The following MORN3 variants were observed in gnomAD, a reference collection of about 807,000 sequenced individuals.
MORN3 encodes the protein MORN repeat containing 3.
Under a neutral mutation model 34.7 loss-of-function variants are expected in MORN3, and 38 were observed. The ratio of observed to expected loss-of-function variants is 1.10; its 90% CI spans 0.85 to 1.44. The LOEUF is 1.44. Among genes scored for constraint, MORN3 ranks in the 40% most tolerant of loss-of-function variants. The pLI, the probability that MORN3 is intolerant of heterozygous loss-of-function variation, is 0.00. For synonymous variants in MORN3, 109 were observed against 115.3 expected (o/e 0.95, Z 0.35); for missense variants, 311 against 321.7 (o/e 0.97, Z 0.25).
intron 1 of MORN3, among the ~76,000 whole-genome samples, chr12:121,660,494 G>A (rs574907132): frequency 2.7e-5 from 4 of 150,308 alleles, no homozygotes; most frequent in East Asian, 4.0e-4. Flanking sequence ...AGAATTACAG[G>A]TGCCCGCCAC....
At chr12:121,658,108 A>C (rs557833459) in intron 2 of MORN3, among the ~76,000 whole-genome samples, 20 of 152,134 alleles carry the variant, frequency 1.3e-4, no homozygotes, top group African/African-American at 4.8e-4. Flanking sequence ...ATGTTCGGGG[A>C]GACTGATTTG....
chr12:121,660,756 C>T, intron 1 of MORN3, among the ~76,000 whole-genome samples: 1 of 151,212 alleles, frequency 6.6e-6, no homozygotes, highest in South Asian at 2.1e-4. Context: ...GCAACTTCCA[C>T]CTCTCAGGTA....
upstream of MORN3, chr12:121,672,521 T>TG (rs1450857871): frequency 6.6e-6 from 1 of 152,116 alleles, no homozygotes; most frequent in Non-Finnish European, 1.5e-5. Context: ...CCAGACGGCT[T>TG]GGGGTCAGTC....
At chr12:121,663,946 C>A (rs1893664915) in intron 1 of MORN3, among the ~76,000 whole-genome samples, 1 of 152,044 alleles carries the variant, frequency 6.6e-6, no homozygotes, top group African/African-American at 2.4e-5. Context: ...CACTCTAAAC[C>A]CCCAAGGTTT....
chr12:121,659,046 C>T (rs956026779), intron 2 of MORN3, 145 bp downstream of exon 2: 1 of 1,095,846 alleles, frequency 9.1e-7, no homozygotes, highest in African/African-American at 1.6e-5. Context: ...CTTCCTTCTC[C>T]CACGAGCAGC....
At chr12:121,669,187 G>A (rs1893868444) in intron 1 of MORN3, 152 bp downstream of exon 1, 2 of 929,192 alleles carry the variant, frequency 2.2e-6, no homozygotes, top group African/African-American at 1.7e-5. Flanking sequence ...AGCATGTGAA[G>A]GCCCCCAGCT....
chr12:121,655,827 G>A (rs12322922), intron 2 of MORN3, among the ~76,000 whole-genome samples: 19,762 of 151,836 alleles, frequency 0.13, 1,537 homozygotes, highest in South Asian at 0.29. Flanking sequence ...TCAGGAGATC[G>A]AGACCATCCT....
At chr12:121,653,761 C>T (rs1555325373) in intron 3 of MORN3, among the ~76,000 whole-genome samples, 1 of 152,160 alleles carries the variant, frequency 6.6e-6, no homozygotes, top group African/African-American at 2.4e-5. Context: ...CCGCCTCTGC[C>T]TCCCAAAGTG....
Position 121,654,254 on chromosome 12 carries a change from G to A in MORN3, c.463+20C>T, listed in dbSNP as rs782293420. On this transcript the variant is annotated intron_variant, in intron 3 of 5. Coordinates refer to ENST00000355329, the MANE Select transcript of MORN3 (RefSeq NM_173855.5). ...GGGGCGTGGTCGGGTGGGCGGGGCC[G>A]GCGGGGGTGGGGCACTCACTCAGGC... The A allele has an allele frequency of 7.2e-6, 11 of 1,522,838 alleles. No homozygotes were observed. In the East Asian group the frequency reaches 2.2e-4, roughly 30 times the overall value. 94.3% of individuals were successfully genotyped at this position (1,522,838 alleles called of 1,614,324 possible).
chr12:121,659,460 A>T, intron 1 of MORN3, 112 bp from the exon 2 acceptor site: 1 of 1,046,534 alleles, frequency 9.6e-7, no homozygotes, highest in South Asian at 1.4e-5. Context: ...GAGCTGGGAC[A>T]GGCTCTGCGC....
chr12:121,669,813 C>CATATATATATATATAATATAT (rs1555327000), upstream of MORN3, among the ~76,000 whole-genome samples: 20 of 136,022 alleles, frequency 1.5e-4, no homozygotes, highest in African/African-American at 5.6e-4. Flanking sequence ...GTCATATATA[C>CATATATATATATATAATATAT]ATATATATAT....
chr12:121,657,844 C>T (rs1555325844), intron 2 of MORN3, among the ~76,000 whole-genome samples: 2 of 151,772 alleles, frequency 1.3e-5, no homozygotes, highest in African/African-American at 4.8e-5. Flanking sequence ...TCCAGCGTGG[C>T]GACAAGAGCG....
chr12:121,671,405 CAA>C (rs58115284), upstream of MORN3, among the ~76,000 whole-genome samples: 3 of 126,178 alleles, frequency 2.4e-5, no homozygotes, highest in Admixed American at 8.3e-5. Context: ...GACTCCATCT[CAA>C]AAAAAAAAAA....
In MORN3 at chr12:121,654,951, C is replaced by T. The variant is rs905988854; in HGVS notation, c.304-518G>A. On this transcript the variant is annotated intron_variant, in intron 2 of 5. Coordinates refer to ENST00000355329, the MANE Select transcript of MORN3 (RefSeq NM_173855.5). ...CTGTTTCTCTCTGTCCCTCTGCTGG[C>T]GCCTCCATGCAGCCAGTCATTAAAC... Among the ~76,000 whole-genome samples the T allele has an allele frequency of 1.9e-4, 29 of 152,194 alleles. No individual in the cohort carries two copies. The South Asian group carries it at 2.5e-3, about 13-fold the overall frequency.
At chr12:121,665,334 A>G (rs1344074359) in intron 1 of MORN3, among the ~76,000 whole-genome samples, 1 of 105,986 alleles carries the variant, frequency 9.4e-6, no homozygotes, top group African/African-American at 3.8e-5. Flanking sequence ...TCTGTCGCCC[A>G]GGCTGGAGTG....
rs1566476742 is a variant in MORN3 at position 121,651,191 on chromosome 12, C to G, written c.*460G>C. 1 of 152,018 alleles carries G rather than the reference C, an allele frequency of 6.6e-6. No homozygotes were observed. Among genetic ancestry groups the G allele is most frequent in the African/African-American group, 2.4e-5 (1 of 41,360 alleles). The allele number at this position is 152,018 out of a possible 1,614,324, so 9.4% of individuals were successfully genotyped here. On this transcript the variant is annotated 3_prime_UTR_variant, in exon 6 of 6. Coordinates refer to ENST00000355329, the MANE Select transcript of MORN3 (RefSeq NM_173855.5). ...GCCTAAGCTGGTCTCGAACTCCTGG[C>G]CTCAGGCAGTCCTCTTACCTTGGCC...
In MORN3 at chr12:121,654,373, G is replaced by A. The variant is rs1555325482; in HGVS notation, c.364C>T (p.Gln122Ter). The change falls in exon 3 of 6, where the codon CAG becomes TAG. Residue 122 changes from glutamine (Q) to a stop codon, truncating the protein, a stop_gained. Coordinates refer to ENST00000355329, the MANE Select transcript of MORN3 (RefSeq NM_173855.5). LOFTEE classifies it high-confidence loss of function. The stretch of plus-strand genomic sequence containing the variant: ...TACATGCGGCCCCACCCGCTGCGCT[G>A]GCTGCCACACCAGTCACCCTCATAA... ...EYYEGDWCGS[Q>*]RSGWGRMYYS... The A allele has an allele frequency of 6.2e-7, 1 of 1,601,540 alleles. No homozygotes were observed. The highest frequency in any genetic ancestry group is 1.3e-5 in the African/African-American group (1 of 74,776).
intron 2 of MORN3, among the ~76,000 whole-genome samples, chr12:121,655,065 C>T (rs775042389): frequency 9.7e-4 from 148 of 152,154 alleles, no homozygotes; most frequent in Middle Eastern, 6.8e-3. Context: ...CTCTTTAAAT[C>T]GCCCATCTAG....
At chr12:121,671,917 G>T (rs1490258550), upstream of MORN3, among the ~76,000 whole-genome samples, 2 of 151,886 alleles carry the variant, frequency 1.3e-5, no homozygotes, top group Admixed American at 6.6e-5. Context: ...GTTAAAAGAG[G>T]TGTTAATGCC....
Sources: allele counts gnomAD v4.1 joint callset (sites outside exome capture counted in the v4.1 genomes callset), GRCh38; gene constraint gnomAD v4.1.1; transcripts MANE v1.5; gene names NCBI Gene and HGNC (gene_info 2026-07-23, HGNC 2026-07-21).